Variants in CTTNBP2 observed in about 807,000 individuals in gnomAD.
CTTNBP2 encodes the protein cortactin binding protein 2, also known as cortactin-binding protein 2.
A neutral mutation model predicts 156.9 loss-of-function variants in CTTNBP2; 108 were observed. The observed-to-expected ratio is 0.69, with a 90% CI of 0.59 to 0.81. The LOEUF (loss-of-function observed/expected upper bound fraction) is 0.81, where lower values mean the gene tolerates loss of function less well. CTTNBP2 is among the 30% of genes least tolerant of loss of function. CTTNBP2 has a pLI of 0.00. For synonymous variants in CTTNBP2, 767 were observed against 751.8 expected (o/e 1.02, Z -0.33); for missense variants, 1,924 against 2,035.4 (o/e 0.95, Z 1.05).
chr7:117,770,553 T>A (rs985894424), intron 8 of CTTNBP2, among the ~76,000 whole-genome samples: 2 of 152,240 alleles, frequency 1.3e-5, no homozygotes, highest in African/African-American at 4.8e-5. Flanking sequence ...TCAGTGTTCG[T>A]TTAGCCCTCA....
intron 1 of CTTNBP2, among the ~76,000 whole-genome samples, chr7:117,867,713 A>C (rs1202159632): frequency 6.6e-6 from 1 of 152,202 alleles, no homozygotes; most frequent in African/African-American, 2.4e-5. Context: ...GTGTTTCAAA[A>C]ATCATTTAGA....
intron 3 of CTTNBP2, among the ~76,000 whole-genome samples, chr7:117,806,746 T>C (rs1219090923): frequency 1.5e-3 from 3 of 2,020 alleles, no homozygotes; most frequent in African/African-American, 8.6e-3. Context: ...TTTTTCTCAT[T>C]TTTTTTTTTT....
At position 117,791,988 on chromosome 7, in the gene CTTNBP2, C is replaced by A; in HGVS notation, c.1208G>T (p.Ser403Ile). 6.2e-7 allele frequency: 1 copy of A among 1,614,022 alleles called. No individual in the cohort carries two copies. The highest frequency in any genetic ancestry group is 8.5e-7 in the Non-Finnish European group (1 of 1,180,006). ...TTGAGCGGTGGGAGGGGCAGCGTTA[C>A]TGGGAAGTGGGGGTGTGCTACTGGT... ...DPTSSTPPLP[S>I]NAAPPTAQTP... is the part of the protein sequence containing the mutation. The change falls in exon 4 of 23, where the codon AGT becomes ATT. Residue 403 changes from serine to isoleucine, a missense_variant. Coordinates refer to ENST00000160373, the MANE Select transcript of CTTNBP2 (RefSeq NM_033427.3).
Position 117,721,105 on chromosome 7 carries a change from C to CTG in CTTNBP2, c.4471_4472dup (p.Gln1491HisfsTer3), listed in dbSNP as rs758664456. ...GAGAAGCATTCCTGTTACAATTCAG[C>CTG]TGTGATATAGTCTTATTTTTCATAC... On this transcript the variant is annotated frameshift_variant, in exon 20 of 23. Transcript: ENST00000160373. LOFTEE classifies it high-confidence loss of function. 6.2e-7 allele frequency: 1 copy of CTG among 1,604,946 alleles called. No individual in the cohort carries two copies. Among genetic ancestry groups the CTG allele is most frequent in the Admixed American group, 1.7e-5 (1 of 59,980 alleles).
chr7:117,712,942 T>A (rs1794140379), intron 22 of CTTNBP2, among the ~76,000 whole-genome samples: 1 of 152,216 alleles, frequency 6.6e-6, no homozygotes, highest in East Asian at 1.9e-4. Flanking sequence ...CCATGGCCTA[T>A]TAATAACTGG....
chr7:117,783,356 C>A (rs1278776325), intron 5 of CTTNBP2, among the ~76,000 whole-genome samples: 1 of 152,096 alleles, frequency 6.6e-6, no homozygotes, highest in Non-Finnish European at 1.5e-5. Flanking sequence ...AACGGAAATA[C>A]CATTCTTTGT....
intron 2 of CTTNBP2, among the ~76,000 whole-genome samples, chr7:117,847,446 G>T (rs554979768): frequency 1.3e-5 from 2 of 152,192 alleles, no homozygotes; most frequent in Non-Finnish European, 2.9e-5. Context: ...TGAGGCAGGA[G>T]AATTGCTTAA....
chr7:117,734,825 G>A (rs1795589410), intron 16 of CTTNBP2, 88 bp downstream of exon 16: 5 of 1,033,714 alleles, frequency 4.8e-6, no homozygotes, highest in Non-Finnish European at 7.0e-6. Context: ...AGGCTGCATA[G>A]TTAGTGAGTG....
At chr7:117,742,967 A>C (rs1182830880) in intron 14 of CTTNBP2, among the ~76,000 whole-genome samples, 3 of 152,314 alleles carry the variant, frequency 2.0e-5, no homozygotes, top group Non-Finnish European at 4.4e-5. Context: ...AGCCCTGCCC[A>C]GCCTGCTTCA....
chr7:117,801,868 A>C (rs142509082), intron 3 of CTTNBP2, among the ~76,000 whole-genome samples: 3,548 of 152,276 alleles, frequency 0.023, 63 homozygotes, highest in African/African-American at 0.034. Context: ...CAAATTATAT[A>C]AAAATTAAAA....
At chr7:117,722,287 C>G (rs921054316) in intron 19 of CTTNBP2, among the ~76,000 whole-genome samples, 8 of 151,378 alleles carry the variant, frequency 5.3e-5, no homozygotes, top group African/African-American at 1.7e-4. Context: ...CAAAGTCACC[C>G]CAACCATTGT....
intron 22 of CTTNBP2, among the ~76,000 whole-genome samples, chr7:117,717,310 ATAAAAT>A (rs1375134443): frequency 6.6e-6 from 1 of 151,444 alleles, no homozygotes; most frequent in Non-Finnish European, 1.5e-5. Context: ...TCAGGATGAA[ATAAAAT>A]TGAGATTTTT....
chr7:117,816,770 A>C (rs1257681625), intron 2 of CTTNBP2, among the ~76,000 whole-genome samples: 1 of 152,182 alleles, frequency 6.6e-6, no homozygotes, highest in Non-Finnish European at 1.5e-5. Context: ...ATTATGTTTA[A>C]TAAAGGCAGA....
intron 3 of CTTNBP2, among the ~76,000 whole-genome samples, chr7:117,795,385 T>C (rs1799262346): frequency 6.6e-6 from 1 of 152,188 alleles, no homozygotes; most frequent in Non-Finnish European, 1.5e-5. Flanking sequence ...AAAAAATTCT[T>C]ACAGCAATGT....
rs140467994 is a variant in CTTNBP2 at position 117,791,242 on chromosome 7, A to C, written c.1954T>G (p.Ser652Ala). 1 of 1,614,206 alleles carries C rather than the reference A, an allele frequency of 6.2e-7. No individual in the cohort carries two copies. Among genetic ancestry groups the C allele is most frequent in the Non-Finnish European group, 8.5e-7 (1 of 1,180,044 alleles). ...GTAGGAATGACAAGGGAACTGTCTG[A>C]ACATGCAGGTTGGTTCAGTCCGGGG... ...ATPGLNQPAC[S>A]DSSLVIPTTI... Residue 652 changes from serine (S) to alanine (A), a missense_variant, in exon 4 of 23, where the codon TCA becomes GCA. Coordinates refer to ENST00000160373, the MANE Select transcript of CTTNBP2 (RefSeq NM_033427.3).
rs1563084869 is a variant in CTTNBP2, at chr7:117,873,428, G to C, written c.-13C>G. The C allele has an allele frequency of 1.4e-6, 2 of 1,479,164 alleles. No individual in the cohort carries two copies. The highest frequency in any genetic ancestry group is 4.5e-5 in the Admixed American group (2 of 44,574). 91.6% of individuals were successfully genotyped at this position (1,479,164 alleles called of 1,614,324 possible). ...CGTCCGTCGCCATCTTCCTGCTCTA[G>C]CGGATCCGAATGCGAGCTCGGAGCC... On this transcript the variant is annotated 5_prime_UTR_variant, in exon 1 of 23. Transcript: ENST00000160373.
At chr7:117,812,434 T>G (rs998348128) in intron 2 of CTTNBP2, among the ~76,000 whole-genome samples, 8 of 151,960 alleles carry the variant, frequency 5.3e-5, no homozygotes, top group Non-Finnish European at 1.0e-4. Flanking sequence ...AAACTACACT[T>G]TTCCATTTTA....
chr7:117,849,426 A>T (rs145625705), intron 2 of CTTNBP2, among the ~76,000 whole-genome samples: 69 of 152,302 alleles, frequency 4.5e-4, no homozygotes, highest in African/African-American at 1.4e-3. Context: ...CTGATGCTGC[A>T]GGTATGGAAA....
At chr7:117,768,477 A>G (rs531906477) in intron 8 of CTTNBP2, among the ~76,000 whole-genome samples, 1 of 150,634 alleles carries the variant, frequency 6.6e-6, no homozygotes, top group South Asian at 2.1e-4. Context: ...AAGGCAGGAG[A>G]ATCGCTTGAA....
Sources: gnomAD v4.1 joint callset for allele counts (sites outside exome capture counted in the v4.1 genomes callset) on GRCh38, gnomAD v4.1.1 for gene constraint, MANE v1.5 for transcripts, NCBI Gene and HGNC (gene_info 2026-07-23, HGNC 2026-07-21) for gene names.